USP34: variants seen among roughly 807,000 people sequenced by gnomAD.
USP34 encodes the protein ubiquitin specific peptidase 34, also known as ubiquitin carboxyl-terminal hydrolase 34.
In USP34, 70 loss-of-function variants were observed where a neutral mutation model predicts 460.3. The observed-to-expected ratio is 0.15, with a 90% CI of 0.13 to 0.19. USP34 has a LOEUF of 0.19. Among genes scored for constraint, USP34 ranks in the 10% least tolerant of loss-of-function variants. USP34 has a pLI of 1.00. For synonymous variants in USP34, 1,647 were observed against 1,405.3 expected, an observed-to-expected ratio of 1.17 and a Z score of -3.85; for missense variants, 3,985 against 4,236.2, an observed-to-expected ratio of 0.94 and a Z score of 1.65.
rs903996710 is a variant in USP34 at position 61,204,391 on chromosome 2, A to G, written c.9260-11T>C. 5.0e-6 allele frequency: 8 copies of G among 1,614,014 alleles called. No homozygotes were observed. In the African/African-American group the frequency reaches 8.0e-5, roughly 16 times the overall value. ...AAGGTCCAAGAGACACTAAGATATTAAAAGTGTACAGTAAGAATAAATGGA... is the reference window on the plus strand; with the variant it reads ...AAGGTCCAAGAGACACTAAGATATTGAAAGTGTACAGTAAGAATAAATGGA... On this transcript the variant is annotated splice_polypyrimidine_tract_variant and intron_variant, in intron 73 of 79. Coordinates refer to ENST00000398571, the MANE Select transcript of USP34 (RefSeq NM_014709.4).
intron 6 of USP34, among the ~76,000 whole-genome samples, chr2:61,381,469 G>A (rs1692972898): frequency 6.6e-6 from 1 of 152,058 alleles, no homozygotes; most frequent in Non-Finnish European, 1.5e-5. Flanking sequence ...TTCCCTGGTA[G>A]CTGGGACTAT....
At chr2:61,430,216 A>G (rs1308732447) in intron 1 of USP34, among the ~76,000 whole-genome samples, 1 of 131,818 alleles carries the variant, frequency 7.6e-6, no homozygotes, top group Non-Finnish European at 1.6e-5. Flanking sequence ...CTTCGTCACA[A>G]AAAAAAAAAA....
intron 12 of USP34, among the ~76,000 whole-genome samples, chr2:61,349,986 T>C (rs1691899168): frequency 6.6e-6 from 1 of 152,072 alleles, no homozygotes; most frequent in Admixed American, 6.6e-5. Context: ...ACTTGTTTGT[T>C]TACAAAATGA....
chr2:61,261,557 G>T (rs932844300), intron 43 of USP34, among the ~76,000 whole-genome samples: 2 of 152,134 alleles, frequency 1.3e-5, no homozygotes, highest in Non-Finnish European at 2.9e-5. Context: ...AGGTGAAAAA[G>T]TTCAAGATGG....
At chr2:61,452,905 C>CAAAA (rs57925421) in intron 1 of USP34, among the ~76,000 whole-genome samples, 10 of 127,134 alleles carry the variant, frequency 7.9e-5, no homozygotes, top group Admixed American at 3.3e-4. Context: ...ACCCCACAAC[C>CAAAA]AAAAAAAAAA....
intron 10 of USP34, among the ~76,000 whole-genome samples, chr2:61,366,243 T>C (rs558156264): frequency 1.3e-5 from 2 of 152,214 alleles, no homozygotes; most frequent in South Asian, 4.1e-4. Flanking sequence ...CTTTTTAAAA[T>C]GTAATAGGTA....
chr2:61,429,662 T>A (rs1287520258), intron 1 of USP34, among the ~76,000 whole-genome samples: 2 of 152,120 alleles, frequency 1.3e-5, no homozygotes, highest in African/African-American at 4.8e-5. Flanking sequence ...GGAATTCTAT[T>A]CAGCAATAAA....
intron 75 of USP34, chr2:61,193,960 A>C (rs1371059067): frequency 3.5e-6 from 1 of 285,614 alleles, no homozygotes; most frequent in African/African-American, 2.3e-5. Flanking sequence ...ACAAACACTG[A>C]AATGGGAATC....
In USP34 at chr2:61,259,696, G is replaced by A. The variant is rs761599659; in HGVS notation, c.5844+15C>T. 11 of 1,610,440 alleles carry A rather than the reference G, an allele frequency of 6.8e-6. No homozygotes were observed. The highest frequency in any genetic ancestry group is 9.3e-6 in the Non-Finnish European group (11 of 1,178,684). ...CCACAGTGCCTGGCCTAGCCTCCAT[G>A]ATTCTTAAACATACCATTAAATATG... On this transcript the variant is annotated intron_variant, in intron 44 of 79. Transcript: ENST00000398571.
At chr2:61,417,293 T>C (rs1694224904) in intron 2 of USP34, 9 of 800,334 alleles carry the variant, frequency 1.1e-5, no homozygotes, top group South Asian at 4.2e-5. Flanking sequence ...ACAGGCCGCA[T>C]ACACTACCAA....
At chr2:61,273,708 C>G (rs1186175335) in intron 41 of USP34, among the ~76,000 whole-genome samples, 1 of 152,078 alleles carries the variant, frequency 6.6e-6, no homozygotes, top group East Asian at 1.9e-4. Flanking sequence ...GAGTGAGACA[C>G]TGTCTCAAAA....
At chr2:61,453,853 T>C (rs991037100) in intron 1 of USP34, among the ~76,000 whole-genome samples, 1 of 151,936 alleles carries the variant, frequency 6.6e-6, no homozygotes, top group Non-Finnish European at 1.5e-5. Flanking sequence ...TAGTTAAATA[T>C]GTGTCACATT....
chr2:61,468,592 C>T (rs1695855396), intron 1 of USP34, among the ~76,000 whole-genome samples: 1 of 152,216 alleles, frequency 6.6e-6, no homozygotes, highest in Non-Finnish European at 1.5e-5. Context: ...TTAGAGTCCA[C>T]TGGCTTACAC....
intron 21 of USP34, 42 bp from the exon 22 acceptor site, chr2:61,319,369 CA>C (rs779043608): frequency 9.4e-6 from 13 of 1,388,728 alleles, no homozygotes; most frequent in East Asian, 2.8e-5. Flanking sequence ...TAACTACATA[CA>C]AAAAAATTAA....
Position 61,348,378 on chromosome 2 carries a change from C to G in USP34, c.1777G>C (p.Val593Leu). The change falls in exon 15 of 80, where the codon GTT becomes CTT. Residue 593 changes from valine (V) to leucine (L), a missense_variant. Transcript: ENST00000398571. ...SGHSDGSSNE[V>L]NSSHASQSAG... ...GACTGGCTTGCGTGGCTAGAATTAA[C>G]CTCATTGCTAGATCCATCACTATGC... 6.2e-7 allele frequency: 1 copy of G among 1,613,974 alleles called. No individual in the cohort carries two copies. The highest frequency in any genetic ancestry group is 8.5e-7 in the Non-Finnish European group (1 of 1,180,022).
intron 18 of USP34, among the ~76,000 whole-genome samples, chr2:61,338,859 A>T (rs1691505755): frequency 6.6e-6 from 1 of 152,226 alleles, no homozygotes; most frequent in Non-Finnish European, 1.5e-5. Context: ...GTACATATCT[A>T]ATATATACAA....
At chr2:61,448,463 G>GA (rs904112466) in intron 1 of USP34, among the ~76,000 whole-genome samples, 3 of 151,920 alleles carry the variant, frequency 2.0e-5, no homozygotes, top group South Asian at 2.1e-4. Context: ...CAAGGACGGG[G>GA]AAAAAAAATG....
At position 61,347,875 on chromosome 2, in the gene USP34, GTGGTGGTGGTGA is replaced by G; in HGVS notation, c.2268_2279del (p.His757_His760del). ...TTATTTTGAAGTAGGCTTACCCATC[GTGGTGGTGGTGA>G]TGGTGGTGGTGGTGGTGGTGATGCT... On this transcript the variant is annotated inframe_deletion, in exon 15 of 80. Coordinates refer to ENST00000398571, the MANE Select transcript of USP34 (RefSeq NM_014709.4). The G allele has an allele frequency of 1.9e-6, 3 of 1,612,192 alleles. No homozygotes were observed. The highest frequency in any genetic ancestry group is 2.5e-6 in the Non-Finnish European group (3 of 1,178,722).
chr2:61,213,987 T>C (rs908717771), intron 68 of USP34, 73 bp downstream of exon 68: 2 of 1,570,724 alleles, frequency 1.3e-6, no homozygotes, highest in African/African-American at 2.7e-5. Flanking sequence ...CTGCCACCAC[T>C]TCCCACCAGG....
Sources: gnomAD v4.1 joint callset for allele counts (sites outside exome capture counted in the v4.1 genomes callset) on GRCh38, gnomAD v4.1.1 for gene constraint, MANE v1.5 for transcripts, NCBI Gene and HGNC (gene_info 2026-07-23, HGNC 2026-07-21) for gene names.